Variants in KLHL6 observed in about 807,000 individuals in gnomAD.
KLHL6 encodes the protein kelch-like protein 6.
KLHL6 carries 41 observed loss-of-function variants against 58.6 expected under a neutral mutation model. That is an observed-to-expected ratio of 0.70 (90% confidence interval 0.55 to 0.91). KLHL6 has a LOEUF of 0.91. Among genes scored for constraint, KLHL6 ranks in the 40% least tolerant of loss-of-function variants. The pLI, the probability that KLHL6 is intolerant of heterozygous loss-of-function variation, is 0.00. For synonymous variants in KLHL6, 338 were observed against 322.7 expected, an observed-to-expected ratio of 1.05 and a Z score of -0.51; for missense variants, 714 against 805.6, an observed-to-expected ratio of 0.89 and a Z score of 1.38.
At position 183,491,979 on chromosome 3, in the gene KLHL6, C is replaced by T; in HGVS notation, c.1814G>A (p.Arg605Lys). ...CCTGCGGATGTGGGTGTACGACTTC[C>T]TGATGGTGACGCTGCCGTGGTGCGA... ...GVSHHGSVTIRKSYTHIRRIV... is the reference protein window; with the variant it reads ...GVSHHGSVTIKKSYTHIRRIV... The change falls in exon 7 of 7, where the codon AGG becomes AAG. Residue 605 changes from arginine to lysine, a missense_variant. Physicochemically the swap from Arg to Lys is conservative, Grantham distance 26 (BLOSUM62 2). Around this residue, in one of 2 missense-constraint regions of KLHL6, gnomAD observed 510 missense variants for 629.7 expected, o/e 0.81. Transcript: ENST00000341319. The T allele has an allele frequency of 1.3e-6, 2 of 1,572,642 alleles. No individual in the cohort carries two copies. The highest frequency in any genetic ancestry group is 1.7e-6 in the Non-Finnish European group (2 of 1,157,320).
chr3:183,489,125 A>G lies in KLHL6; in HGVS notation c.*2802T>C, dbSNP rs1241847117. The G allele has an allele frequency of 6.6e-6, 1 of 152,164 alleles. No individual in the cohort carries two copies. Among genetic ancestry groups the G allele is most frequent in the East Asian group, 1.9e-4 (1 of 5,196 alleles). The allele number at this position is 152,164 out of a possible 1,614,324, so 9.4% of individuals were successfully genotyped here. A position where few individuals can be genotyped will look rare whatever the true frequency, so the allele number is the denominator to read the frequency against. On this transcript the variant is annotated 3_prime_UTR_variant, in exon 7 of 7. Transcript: ENST00000341319. ...CTGCTGATGGGCTCGAAGTTTGCCT[A>G]TGGGTCTTATCAAAGGACCGCCATC...
At chr3:183,514,554 C>T (rs1270437457) in intron 2 of KLHL6, among the ~76,000 whole-genome samples, 4 of 152,098 alleles carry the variant, frequency 2.6e-5, no homozygotes, top group African/African-American at 9.7e-5. Context: ...ATAGCTCACC[C>T]CATTTTCAAC....
chr3:183,496,045 T>C (rs1280689076), intron 4 of KLHL6, among the ~76,000 whole-genome samples: 1 of 152,208 alleles, frequency 6.6e-6, no homozygotes. Context: ...TAGGATATTA[T>C]GTTAATGACC....
At position 183,509,545 on chromosome 3, in the gene KLHL6, G is replaced by A. The variant is rs533280216; in HGVS notation, c.460-1037C>T. On this transcript the variant is annotated intron_variant, in intron 2 of 6. Coordinates refer to ENST00000341319, the MANE Select transcript of KLHL6 (RefSeq NM_130446.4). ...TGCTGCAGCAGCAAACAACCCTCAC[G>A]TCTCAGGGGCTTACAATAAATGTTC... Among the ~76,000 whole-genome samples the A allele has an allele frequency of 6.8e-4, 103 of 152,264 alleles. 1 individual carries two copies. Among genetic ancestry groups the A allele is most frequent in the African/African-American group, 2.4e-3 (99 of 41,554 alleles).
At chr3:183,493,174 T>C (rs934793373) in intron 5 of KLHL6, 2 of 187,662 alleles carry the variant, frequency 1.1e-5, no homozygotes, top group South Asian at 1.1e-4. Context: ...TCTTCCATTA[T>C]GGGGCAGCAT....
chr3:183,527,977 A>G lies in KLHL6; in HGVS notation c.327T>C (p.Tyr109=). The G allele has an allele frequency of 1.2e-6, 2 of 1,613,942 alleles. No homozygotes were observed. Among genetic ancestry groups the G allele is most frequent in the Non-Finnish European group, 1.7e-6 (2 of 1,179,980 alleles). The change falls in exon 2 of 7, where the codon TAT becomes TAC. Residue 109 remains tyrosine, a synonymous_variant. Transcript: ENST00000341319. ...AMFCNDLKEK[Y]EKRIIIKGVD... ...CCCCTTTAATAATGATCCTTTTCTC[A>G]TACTTTTCCTTTAAATCGTTGCAGA...
At chr3:183,547,634 A>G (rs1380052343) in intron 1 of KLHL6, among the ~76,000 whole-genome samples, 2 of 152,166 alleles carry the variant, frequency 1.3e-5, no homozygotes, top group Admixed American at 1.3e-4. Context: ...TGCTTCCAGT[A>G]TTTTGTTTTT....
At position 183,492,074 on chromosome 3, in the gene KLHL6, G is replaced by C; in HGVS notation, c.1719C>G (p.Ile573Met). Reference protein sequence around the residue: ...TGGRDEKNEVIATVLCWDPEA... With the variant: ...TGGRDEKNEVMATVLCWDPEA... ...CGGGGTCCCAGCACAGCACCGTGGC[G>C]ATAACCTCGTTCTTCTCGTCCCGCC... Residue 573 changes from isoleucine to methionine, a missense_variant, in exon 7 of 7, where the codon ATC (isoleucine) becomes ATG (methionine). By Grantham distance (10) the Ile-to-Met change is conservative. This residue lies in a region of KLHL6 where 510 missense variants were observed against 629.7 expected (regional missense o/e 0.81). Transcript: ENST00000341319. This position sits in a 1 kb window ranked among gnomAD's most constrained non-coding sequence, Gnocchi z 5.9. 1 of 1,613,994 alleles carries C rather than the reference G, an allele frequency of 6.2e-7. No individual in the cohort carries two copies.
At chr3:183,534,131 TGTA>T (rs1712276266) in intron 1 of KLHL6, among the ~76,000 whole-genome samples, 2 of 28,684 alleles carry the variant, frequency 7.0e-5, no homozygotes, top group Non-Finnish European at 9.7e-5. Flanking sequence ...TAAAGTACTT[TGTA>T]CTTTTAAAGT....
chr3:183,519,872 G>A (rs145069208), intron 2 of KLHL6, among the ~76,000 whole-genome samples: 71 of 139,252 alleles, frequency 5.1e-4, no homozygotes, highest in Non-Finnish European at 7.9e-4. Flanking sequence ...CTCCAGCCTA[G>A]GTGACACACC....
intron 2 of KLHL6, chr3:183,522,818 T>C (rs1018145652): frequency 2.0e-5 from 3 of 152,204 alleles, no homozygotes; most frequent in African/African-American, 7.2e-5. Context: ...TTTGTTTGTT[T>C]GTTTGGTTTT....
chr3:183,538,711 T>C (rs1367172783), intron 1 of KLHL6, among the ~76,000 whole-genome samples: 1 of 152,184 alleles, frequency 6.6e-6, no homozygotes, highest in Non-Finnish European at 1.5e-5. Flanking sequence ...TGACCTAGCA[T>C]GACATGGCAT....
At chr3:183,522,887 C>T (rs1350979066) in intron 2 of KLHL6, 8 of 152,194 alleles carry the variant, frequency 5.3e-5, no homozygotes, top group Admixed American at 4.6e-4. Context: ...GCGATCTCGG[C>T]TCACTGTAAC....
chr3:183,553,977 C>CAAAAAAAAAAAA (rs59243986), intron 1 of KLHL6, among the ~76,000 whole-genome samples: 1 of 127,626 alleles, frequency 7.8e-6, no homozygotes, highest in African/African-American at 2.8e-5. Flanking sequence ...CCAAGCACCT[C>CAAAAAAAAAAAA]AAAAAAAAAA....
intron 1 of KLHL6, among the ~76,000 whole-genome samples, chr3:183,529,920 T>C (rs1275262817): frequency 6.6e-6 from 1 of 152,072 alleles, no homozygotes; most frequent in East Asian, 1.9e-4. Flanking sequence ...GATGTTCTTA[T>C]AAGAAGAGGA....
intron 1 of KLHL6, chr3:183,548,812 GC>G (rs1712810813): frequency 6.7e-6 from 1 of 148,362 alleles, no homozygotes; most frequent in Non-Finnish European, 1.5e-5. Flanking sequence ...ATACTGTGCA[GC>G]CATAAAAAGG....
Position 183,555,558 on chromosome 3 carries a change from G to A in KLHL6, c.96C>T (p.Ser32=). The change falls in exon 1 of 7, where the codon TCC becomes TCT. Residue 32 remains serine, a synonymous_variant. Transcript: ENST00000341319. ...TCTCGACCAAGTCTCCTGTTTTCTGGGAGGGCTCATCTGTAGAAGGTGCCA... is the reference window on the plus strand; with the variant it reads ...TCTCGACCAAGTCTCCTGTTTTCTGAGAGGGCTCATCTGTAGAAGGTGCCA... ...GPLAPSTDEP[S]QKTGDLVEIL... 6.2e-7 allele frequency: 1 copy of A among 1,614,088 alleles called. No individual in the cohort carries two copies. Among genetic ancestry groups the A allele is most frequent in the Non-Finnish European group, 8.5e-7 (1 of 1,180,014 alleles).
At chr3:183,532,694 T>C (rs1712200473) in intron 1 of KLHL6, among the ~76,000 whole-genome samples, 1 of 152,152 alleles carries the variant, frequency 6.6e-6, no homozygotes, top group Non-Finnish European at 1.5e-5. Context: ...AGACATGTGA[T>C]TCAGTTGAAG....
intron 1 of KLHL6, chr3:183,544,459 G>A (rs1444123652): frequency 2.0e-5 from 3 of 152,060 alleles, no homozygotes; most frequent in East Asian, 1.9e-4. Context: ...AATTAAAGTC[G>A]AAGGAGAATA....
Sources: allele counts gnomAD v4.1 joint callset (sites outside exome capture counted in the v4.1 genomes callset), GRCh38; gene constraint gnomAD v4.1.1; regional missense constraint gnomAD v4.1.1; non-coding constraint Gnocchi (gnomAD v3.1); transcripts MANE v1.5; gene names NCBI Gene and HGNC (gene_info 2026-07-23, HGNC 2026-07-21).